PTPRD: variants seen among roughly 807,000 people sequenced by gnomAD.
PTPRD encodes protein tyrosine phosphatase receptor type D.
In PTPRD, 34 loss-of-function variants were observed where a neutral mutation model predicts 214.5. The ratio of observed to expected loss-of-function variants is 0.16; its 90% CI spans 0.12 to 0.21. The LOEUF is 0.21. Ranked by LOEUF, PTPRD falls within the 10% of genes least tolerant of loss-of-function variation. The pLI is 1.00. For missense variants in PTPRD, 2,545 were observed against 2,398.7 expected (o/e 1.06, Z -1.27); for synonymous variants, 1,128 against 845.7 (o/e 1.33, Z -5.79).
At chr9:8,407,105 AC>A (rs2093060104) in intron 35 of PTPRD, among the ~76,000 whole-genome samples, 2 of 152,208 alleles carry the variant, frequency 1.3e-5, no homozygotes, top group Non-Finnish European at 1.5e-5. Context: ...CTTACTTGAT[AC>A]CTACATTGAA....
At chr9:9,747,183 G>A (rs2098466519) in intron 6 of PTPRD, among the ~76,000 whole-genome samples, 1 of 152,148 alleles carries the variant, frequency 6.6e-6, no homozygotes, top group Admixed American at 6.6e-5. Flanking sequence ...CTCTGAGCAG[G>A]AGCCACTGAC....
intron 8 of PTPRD, among the ~76,000 whole-genome samples, chr9:9,424,235 C>A (rs1378415198): frequency 1.3e-5 from 2 of 152,224 alleles, no homozygotes; most frequent in Non-Finnish European, 2.9e-5. Context: ...CCCATTCAGA[C>A]TTCTTTACTC....
At chr9:9,956,678 G>A (rs1047100928) in intron 4 of PTPRD, among the ~76,000 whole-genome samples, 1 of 151,934 alleles carries the variant, frequency 6.6e-6, no homozygotes, top group African/African-American at 2.4e-5. Flanking sequence ...ACAAGGGAAT[G>A]GCCCATACAT....
intron 27 of PTPRD, among the ~76,000 whole-genome samples, chr9:8,488,957 G>C (rs1046570468): frequency 3.3e-5 from 5 of 152,140 alleles, no homozygotes; most frequent in South Asian, 4.1e-4. Flanking sequence ...TGAAATTCTA[G>C]TTCCAACGAA....
intron 9 of PTPRD, among the ~76,000 whole-genome samples, chr9:9,259,111 C>G (rs1267184705): frequency 6.6e-6 from 1 of 151,716 alleles, no homozygotes; most frequent in Non-Finnish European, 1.5e-5. Context: ...CTGAACTACT[C>G]AAAATTCCCC....
chr9:10,192,792 C>G (rs991283564), intron 3 of PTPRD, among the ~76,000 whole-genome samples: 3 of 152,060 alleles, frequency 2.0e-5, no homozygotes, highest in Admixed American at 2.0e-4. Context: ...TAAGCTTAGC[C>G]TGAAACCAAT....
At chr9:10,306,281 G>T (rs926144908) in intron 3 of PTPRD, among the ~76,000 whole-genome samples, 11 of 151,688 alleles carry the variant, frequency 7.3e-5, no homozygotes, top group African/African-American at 1.7e-4. Context: ...GTGGGGTGGG[G>T]GGGGCTAGGG....
intron 2 of PTPRD, among the ~76,000 whole-genome samples, chr9:10,517,168 T>G (rs2050415729): frequency 6.6e-6 from 1 of 152,046 alleles, no homozygotes; most frequent in South Asian, 2.1e-4. Context: ...AGTATAGACA[T>G]GTAAACAGTA....
rs549350140 is a variant in PTPRD, at chr9:10,451,237, T to A, written c.-599-110220A>T. 1.1e-3 allele frequency among the ~76,000 whole-genome samples: 169 copies of A among 152,042 alleles called. 3 individuals carry two copies. Among genetic ancestry groups the A allele is most frequent in the Admixed American group, 3.3e-3 (50 of 15,288 alleles). ...ATTTTGAACAAAACACTGTTTCAGG[T>A]GTGCTGGGGCCAAGCAGAGAAATAA... On this transcript the variant is annotated intron_variant, in intron 2 of 45. Transcript: ENST00000381196.
At chr9:9,720,571 C>T (rs763586688) in intron 7 of PTPRD, among the ~76,000 whole-genome samples, 1 of 152,052 alleles carries the variant, frequency 6.6e-6, no homozygotes, top group Non-Finnish European at 1.5e-5. Context: ...ATGGGAATAA[C>T]CTGCCACCTC....
intron 11 of PTPRD, among the ~76,000 whole-genome samples, chr9:8,793,769 G>C (rs1306879065): frequency 6.6e-6 from 1 of 151,990 alleles, no homozygotes; most frequent in Admixed American, 6.6e-5. Flanking sequence ...GCTTTATTTG[G>C]ATATTAGAAC....
At chr9:9,464,853 T>C (rs1420172813) in intron 8 of PTPRD, among the ~76,000 whole-genome samples, 4 of 152,310 alleles carry the variant, frequency 2.6e-5, no homozygotes, top group African/African-American at 7.2e-5. Context: ...AAGTGACTTA[T>C]GCTCCTCAAT....
At chr9:9,867,955 A>G (rs1328973601) in intron 5 of PTPRD, among the ~76,000 whole-genome samples, 1 of 152,154 alleles carries the variant, frequency 6.6e-6, no homozygotes, top group Non-Finnish European at 1.5e-5. Flanking sequence ...CTCACTCCAC[A>G]AAGAGCTGCA....
chr9:8,338,886 G>C (rs150903419), intron 43 of PTPRD, 36 bp downstream of exon 43: 5 of 1,440,330 alleles, frequency 3.5e-6, no homozygotes, highest in Non-Finnish European at 4.7e-6. Flanking sequence ...CTACTTTTCA[G>C]CTAATGGTTA....
intron 5 of PTPRD, among the ~76,000 whole-genome samples, chr9:9,911,736 T>C (rs1185215122): frequency 6.6e-6 from 1 of 152,124 alleles, no homozygotes; most frequent in Non-Finnish European, 1.5e-5. Context: ...GCAAAATTAA[T>C]ATAACTTTTT....
intron 36 of PTPRD, among the ~76,000 whole-genome samples, chr9:8,395,266 C>A (rs1376923410): frequency 1.3e-5 from 2 of 151,932 alleles, no homozygotes; most frequent in African/African-American, 2.4e-5. Context: ...AACGCACAAA[C>A]GAAAAAGCAT....
intron 5 of PTPRD, among the ~76,000 whole-genome samples, chr9:9,891,080 C>T (rs2073146950): frequency 6.6e-6 from 1 of 152,032 alleles, no homozygotes; most frequent in Non-Finnish European, 1.5e-5. Flanking sequence ...GAAGCTTGGT[C>T]ATATGGTCAT....
intron 11 of PTPRD, among the ~76,000 whole-genome samples, chr9:8,838,258 G>T (rs1454974577): frequency 6.8e-6 from 1 of 147,064 alleles, no homozygotes; most frequent in Admixed American, 6.7e-5. Context: ...AAAAAAAAAA[G>T]AGTACTGCAA....
chr9:9,317,604 C>G (rs923206478), intron 9 of PTPRD, among the ~76,000 whole-genome samples: 2 of 152,024 alleles, frequency 1.3e-5, no homozygotes, highest in African/African-American at 4.8e-5. Flanking sequence ...ACTCCCAGTC[C>G]TGACTCTCTA....
Sources: allele counts gnomAD v4.1 joint callset (sites outside exome capture counted in the v4.1 genomes callset), GRCh38; gene constraint gnomAD v4.1.1; transcripts MANE v1.5; gene names NCBI Gene and HGNC (gene_info 2026-07-23, HGNC 2026-07-21).